The following PCSK2 variants were observed in gnomAD, a reference collection of about 807,000 sequenced individuals.
The protein encoded by PCSK2 is proprotein convertase subtilisin/kexin type 2, also known as neuroendocrine convertase 2.
Under a neutral mutation model 69.7 loss-of-function variants are expected in PCSK2, and 14 were observed. The observed-to-expected ratio is 0.20, with a 90% CI of 0.13 to 0.31. The LOEUF is 0.31. Ranked by LOEUF, PCSK2 falls within the 10% of genes least tolerant of loss-of-function variation. The probability of loss-of-function intolerance (pLI) is 1.00; values close to 1 mark genes in which losing one functional copy is unlikely to be tolerated. For missense variants in PCSK2, 544 were observed against 842.5 expected, an observed-to-expected ratio of 0.65 and a Z score of 4.39; for synonymous variants, 307 against 320.7, an observed-to-expected ratio of 0.96 and a Z score of 0.46.
intron 2 of PCSK2, among the ~76,000 whole-genome samples, chr20:17,346,733 G>T (rs182477218): frequency 6.6e-6 from 1 of 152,226 alleles, no homozygotes; most frequent in Admixed American, 6.5e-5. Context: ...CGTAATATCT[G>T]GCATAGAGCC....
At chr20:17,371,737 A>G (rs1369304261) in intron 5 of PCSK2, among the ~76,000 whole-genome samples, 1 of 152,052 alleles carries the variant, frequency 6.6e-6, no homozygotes, top group African/African-American at 2.4e-5. Flanking sequence ...TTTTTATGTT[A>G]TTAAATATTC....
chr20:17,379,239 A>C (rs1313088752), intron 5 of PCSK2, among the ~76,000 whole-genome samples: 1 of 152,224 alleles, frequency 6.6e-6, no homozygotes, highest in African/African-American at 2.4e-5. Flanking sequence ...CAAAATGGGC[A>C]GTCATCCACA....
chr20:17,369,293 C>G lies in PCSK2; in HGVS notation c.543+16C>G, dbSNP rs748406060. Reference sequence around the variant, plus strand: ...CTCCAACTATGTAAGTACAAGCCAACTTTGGTGGGGAAACAGATGCATCTT... The same window carrying G: ...CTCCAACTATGTAAGTACAAGCCAAGTTTGGTGGGGAAACAGATGCATCTT... On this transcript the variant is annotated intron_variant, in intron 5 of 11. Coordinates refer to ENST00000262545, the MANE Select transcript of PCSK2 (RefSeq NM_002594.5). The G allele has an allele frequency of 5.6e-6, 9 of 1,610,408 alleles. No homozygotes were observed. Among genetic ancestry groups the G allele is most frequent in the Non-Finnish European group, 8.5e-7 (1 of 1,176,756 alleles).
intron 11 of PCSK2, among the ~76,000 whole-genome samples, chr20:17,479,944 G>A (rs1219389887): frequency 8.6e-6 from 1 of 115,788 alleles, no homozygotes; most frequent in Non-Finnish European, 2.0e-5. Context: ...CTGGAGTCTT[G>A]ATGTTACACC....
At chr20:17,442,403 C>T (rs2032616666) in intron 8 of PCSK2, among the ~76,000 whole-genome samples, 1 of 152,006 alleles carries the variant, frequency 6.6e-6, no homozygotes, top group Non-Finnish European at 1.5e-5. Flanking sequence ...TCTGTAGCAG[C>T]CCTGGCAAAC....
rs191896463 is a variant in PCSK2, at chr20:17,339,518, G to T, written c.283-18809G>T. ...TGTTTTGGTTGTTTTTGTTGTTGTTGTTTCTGCTTGAAGGCTTCTGGAATT... is the reference window on the plus strand; with the variant it reads ...TGTTTTGGTTGTTTTTGTTGTTGTTTTTTCTGCTTGAAGGCTTCTGGAATT... On this transcript the variant is annotated intron_variant, in intron 2 of 11. Transcript: ENST00000262545. Among the ~76,000 whole-genome samples the T allele has an allele frequency of 2.7e-3, 405 of 152,042 alleles. 1 individual carries two copies. The highest frequency in any genetic ancestry group is 0.02 in the Middle Eastern group (6 of 294).
intron 8 of PCSK2, among the ~76,000 whole-genome samples, chr20:17,449,882 C>T (rs1323289915): frequency 6.6e-6 from 1 of 151,512 alleles, no homozygotes; most frequent in East Asian, 1.9e-4. Flanking sequence ...TCTTTCTATT[C>T]GAGAATATGG....
chr20:17,392,244 T>C (rs2031401801), intron 5 of PCSK2, among the ~76,000 whole-genome samples: 1 of 152,170 alleles, frequency 6.6e-6, no homozygotes, highest in South Asian at 2.1e-4. Context: ...CTCAGCATCT[T>C]GCTGACAAGT....
chr20:17,456,122 C>A (rs1028684230), intron 9 of PCSK2, among the ~76,000 whole-genome samples: 3 of 152,060 alleles, frequency 2.0e-5, no homozygotes, highest in African/African-American at 7.2e-5. Context: ...TGCCTGTAAT[C>A]CCAGCTAATT....
In PCSK2 at chr20:17,363,302, A is replaced by G. The variant is rs147481628; in HGVS notation, c.505+2662A>G. Among the ~76,000 whole-genome samples the G allele has an allele frequency of 4.8e-3, 727 of 152,312 alleles. 2 individuals carry two copies. Among genetic ancestry groups the G allele is most frequent in the Non-Finnish European group, 6.7e-3 (457 of 68,032 alleles). Reference sequence around the variant, plus strand: ...GATCCAGTGACTCAATGGATGCTCAATAAATATCTGCTGCCTTCACGTAGG... The same window carrying G: ...GATCCAGTGACTCAATGGATGCTCAGTAAATATCTGCTGCCTTCACGTAGG... On this transcript the variant is annotated intron_variant, in intron 4 of 11. Transcript: ENST00000262545.
intron 2 of PCSK2, among the ~76,000 whole-genome samples, chr20:17,302,763 C>T (rs1472617440): frequency 6.6e-6 from 1 of 152,134 alleles, no homozygotes; most frequent in African/African-American, 2.4e-5. Flanking sequence ...GAGGAACGCA[C>T]TGTGATGTTG....
intron 1 of PCSK2, among the ~76,000 whole-genome samples, chr20:17,258,661 A>G (rs1018925904): frequency 1.3e-5 from 2 of 152,076 alleles, no homozygotes; most frequent in Non-Finnish European, 2.9e-5. Context: ...CTTCACATGT[A>G]CCCCCAAACC....
chr20:17,462,509 A>G (rs1165546472), intron 10 of PCSK2, among the ~76,000 whole-genome samples: 1 of 152,226 alleles, frequency 6.6e-6, no homozygotes, highest in Non-Finnish European at 1.5e-5. Context: ...GACTAGGATA[A>G]CACAGAGGCT....
At position 17,309,301 on chromosome 20, in the gene PCSK2, G is replaced by A. The variant is rs186489184; in HGVS notation, c.282+48957G>A. On this transcript the variant is annotated intron_variant, in intron 2 of 11. Coordinates refer to ENST00000262545, the MANE Select transcript of PCSK2 (RefSeq NM_002594.5). The stretch of plus-strand genomic sequence containing the variant: ...GAGTGTTAGACAATTGATGAGCTGG[G>A]AGAGAATTTGTTGATCCAAATGCAA... Among the ~76,000 whole-genome samples the A allele has an allele frequency of 2.2e-3, 333 of 152,336 alleles. 2 individuals carry two copies. The highest frequency in any genetic ancestry group is 7.7e-3 in the African/African-American group (321 of 41,568).
chr20:17,340,344 C>T (rs139135094), intron 2 of PCSK2, among the ~76,000 whole-genome samples: 20 of 152,328 alleles, frequency 1.3e-4, no homozygotes, highest in Admixed American at 3.3e-4. Context: ...GTGTCCTACA[C>T]GCCTATAATT....
intron 2 of PCSK2, among the ~76,000 whole-genome samples, chr20:17,316,082 G>A (rs1347365702): frequency 6.6e-6 from 1 of 152,152 alleles, no homozygotes; most frequent in Non-Finnish European, 1.5e-5. Context: ...TTTAAGGCTC[G>A]TTCTTCATAG....
chr20:17,232,745 C>T (rs147185041), intron 1 of PCSK2, among the ~76,000 whole-genome samples: 1 of 152,246 alleles, frequency 6.6e-6, no homozygotes, highest in East Asian at 1.9e-4. Context: ...ATTTCCACAT[C>T]CCCTATCCCA....
At position 17,227,346 on chromosome 20, in the gene PCSK2, G is replaced by C; in HGVS notation, c.41G>C (p.Gly14Ala). ...GTCTCCCAGTGGAAGGCGGCCGCCG[G>C]GTTCCTCTTCTGTGTCATGGTTTTT... ...GCVSQWKAAA[G>A]FLFCVMVFAS... The change falls in exon 1 of 12, where the codon GGG (glycine) becomes GCG (alanine). Residue 14 changes from glycine to alanine, a missense_variant. Gly to Ala is a moderately conservative substitution (Grantham distance 60, BLOSUM62 0). Around this residue, in one of 3 missense-constraint regions of PCSK2, gnomAD observed 157 missense variants for 155.0 expected, o/e 1.01. Transcript: ENST00000262545. The C allele has an allele frequency of 6.2e-7, 1 of 1,614,046 alleles. No homozygotes were observed. Among genetic ancestry groups the C allele is most frequent in the Admixed American group, 1.7e-5 (1 of 60,018 alleles).
intron 1 of PCSK2, among the ~76,000 whole-genome samples, chr20:17,241,527 G>T (rs1986571377): frequency 6.6e-6 from 1 of 152,192 alleles, no homozygotes; most frequent in South Asian, 2.1e-4. Flanking sequence ...TGGTTTCTTT[G>T]TCCTGTGGAA....
Sources: gnomAD v4.1 joint callset for allele counts (sites outside exome capture counted in the v4.1 genomes callset) on GRCh38, gnomAD v4.1.1 for gene constraint, gnomAD v4.1.1 regional missense constraint, MANE v1.5 for transcripts, NCBI Gene and HGNC (gene_info 2026-07-23, HGNC 2026-07-21) for gene names.